Variants in TENM2 observed in about 807,000 individuals in gnomAD.
TENM2 encodes teneurin transmembrane protein 2.
A neutral mutation model predicts 245.2 loss-of-function variants in TENM2; 52 were observed. The ratio of observed to expected loss-of-function variants is 0.21; its 90% CI spans 0.17 to 0.27. The LOEUF (loss-of-function observed/expected upper bound fraction) is 0.27, where lower values mean the gene tolerates loss of function less well. Ranked by LOEUF, TENM2 falls within the 10% of genes least tolerant of loss-of-function variation. The probability of loss-of-function intolerance (pLI) is 1.00; values close to 1 mark genes in which losing one functional copy is unlikely to be tolerated. For missense variants in TENM2, 3,046 were observed against 3,666.8 expected, an observed-to-expected ratio of 0.83 and a Z score of 4.37; for synonymous variants, 1,363 against 1,438.9, an observed-to-expected ratio of 0.95 and a Z score of 1.19.
chr5:167,079,304 A>C, the TENM2 span, among the ~76,000 whole-genome samples: 2 of 148,306 alleles, frequency 1.3e-5, no homozygotes, highest in African/African-American at 4.9e-5. Context: ...ATATATATAT[A>C]ATATAATATA....
chr5:167,485,675 A>G (rs889804437), intron 2 of TENM2, among the ~76,000 whole-genome samples: 2 of 152,106 alleles, frequency 1.3e-5, no homozygotes, highest in African/African-American at 2.4e-5. Flanking sequence ...CAAAACAGCA[A>G]TACTTATGAA....
chr5:167,243,679 C>T, the TENM2 span, among the ~76,000 whole-genome samples: 1 of 152,068 alleles, frequency 6.6e-6, no homozygotes, highest in African/African-American at 2.4e-5. Flanking sequence ...TTTCCTCTGC[C>T]CCACCCTTTT....
At chr5:167,171,371 A>G in the TENM2 span, among the ~76,000 whole-genome samples, 8 of 152,190 alleles carry the variant, frequency 5.3e-5, no homozygotes, top group African/African-American at 1.9e-4. Flanking sequence ...TGATCTCCAT[A>G]ACATAACCAC....
At chr5:167,899,199 G>A (rs1775488994) in intron 3 of TENM2, among the ~76,000 whole-genome samples, 1 of 152,152 alleles carries the variant, frequency 6.6e-6, no homozygotes, top group South Asian at 2.1e-4. Flanking sequence ...TGCATGTGCA[G>A]GGGAAAAAAT....
chr5:168,057,898 A>G (rs1789689277), intron 6 of TENM2, among the ~76,000 whole-genome samples: 1 of 150,926 alleles, frequency 6.6e-6, no homozygotes, highest in Non-Finnish European at 1.5e-5. Flanking sequence ...TCAAAGAATC[A>G]TAGACAGTTT....
At chr5:167,158,125 A>G in the TENM2 span, among the ~76,000 whole-genome samples, 1 of 152,064 alleles carries the variant, frequency 6.6e-6, no homozygotes, top group Non-Finnish European at 1.5e-5. Flanking sequence ...TTGCTCTTTC[A>G]TTTCTTCTTC....
At chr5:168,249,492 T>C (rs1766904772) in intron 27 of TENM2, among the ~76,000 whole-genome samples, 1 of 128,510 alleles carries the variant, frequency 7.8e-6, no homozygotes, top group African/African-American at 4.2e-5. Flanking sequence ...GCAGATTAAT[T>C]CAGATTTTCA....
intron 2 of TENM2, among the ~76,000 whole-genome samples, chr5:167,632,969 G>A (rs1478804788): frequency 6.6e-6 from 1 of 152,166 alleles, no homozygotes; most frequent in South Asian, 2.1e-4. Context: ...GATATGTTAT[G>A]AGTAAGGAGT....
chr5:168,261,839 A>G (rs1469267662), intron 28 of TENM2, among the ~76,000 whole-genome samples: 1 of 152,192 alleles, frequency 6.6e-6, no homozygotes, highest in Non-Finnish European at 1.5e-5. Flanking sequence ...CCATCAGAGC[A>G]TTAGTAATCA....
At chr5:168,031,086 G>T (rs1412074343) in intron 5 of TENM2, among the ~76,000 whole-genome samples, 4 of 152,186 alleles carry the variant, frequency 2.6e-5, no homozygotes, top group Non-Finnish European at 5.9e-5. Context: ...ATGTGCATGA[G>T]GTATGTGTAC....
chr5:167,287,107 C>T (rs1754322481), intron 1 of TENM2, among the ~76,000 whole-genome samples: 1 of 152,178 alleles, frequency 6.6e-6, no homozygotes, highest in African/African-American at 2.4e-5. Flanking sequence ...CTGAAGACAT[C>T]TATGAATTTA....
chr5:167,615,883 C>T (rs1264902542), intron 2 of TENM2, among the ~76,000 whole-genome samples: 1 of 151,980 alleles, frequency 6.6e-6, no homozygotes, highest in East Asian at 1.9e-4. Context: ...AAAAAAAATC[C>T]ACCTTTTTTC....
chr5:167,108,720 C>A, the TENM2 span, among the ~76,000 whole-genome samples: 1 of 152,242 alleles, frequency 6.6e-6, no homozygotes, highest in Non-Finnish European at 1.5e-5. Flanking sequence ...CACAAAAGCA[C>A]CATTCCCATA....
chr5:168,086,426 G>C (rs749686898), intron 7 of TENM2, among the ~76,000 whole-genome samples: 1 of 152,180 alleles, frequency 6.6e-6, no homozygotes, highest in Non-Finnish European at 1.5e-5. Flanking sequence ...TGACTCAAAG[G>C]CACAGCCTTC....
chr5:167,871,701 T>C (rs903784379), intron 2 of TENM2, among the ~76,000 whole-genome samples: 1 of 152,172 alleles, frequency 6.6e-6, no homozygotes, highest in Non-Finnish European at 1.5e-5. Context: ...GTCCATTTGC[T>C]GGAGACTCTA....
chr5:168,131,421 A>G (rs1246704027), intron 12 of TENM2, among the ~76,000 whole-genome samples: 1 of 152,194 alleles, frequency 6.6e-6, no homozygotes, highest in East Asian at 1.9e-4. Flanking sequence ...AAGTCAGTAC[A>G]GTTTTCTTTT....
intron 2 of TENM2, among the ~76,000 whole-genome samples, chr5:167,593,415 C>T (rs1220946794): frequency 6.6e-6 from 1 of 152,198 alleles, no homozygotes; most frequent in African/African-American, 2.4e-5. Flanking sequence ...CTGGCTTGGT[C>T]ATTTTCTTAT....
the TENM2 span, among the ~76,000 whole-genome samples, chr5:167,050,684 A>T: frequency 6.6e-6 from 1 of 152,198 alleles, no homozygotes; most frequent in East Asian, 1.9e-4. Context: ...TCAGAATTTG[A>T]CACTGAGAAC....
intron 2 of TENM2, among the ~76,000 whole-genome samples, chr5:167,743,992 T>C (rs899185231): frequency 2.0e-5 from 3 of 152,178 alleles, no homozygotes; most frequent in African/African-American, 7.2e-5. Flanking sequence ...GAGAAACCCA[T>C]GTCTATAGCA....
Sources: allele counts gnomAD v4.1 joint callset (sites outside exome capture counted in the v4.1 genomes callset), GRCh38; gene constraint gnomAD v4.1.1; transcripts MANE v1.5; gene names NCBI Gene and HGNC (gene_info 2026-07-23, HGNC 2026-07-21).